Variants in ZNF124 observed in about 807,000 individuals in gnomAD.
ZNF124 encodes zinc finger protein HZF-16.
Under a neutral mutation model 26.6 loss-of-function variants are expected in ZNF124, and 25 were observed. The ratio of observed to expected loss-of-function variants is 0.94; its 90% CI spans 0.68 to 1.31. ZNF124 has a LOEUF of 1.31. ZNF124 is among the 40% of genes most tolerant of loss of function. The probability of loss-of-function intolerance (pLI) is 0.00; values close to 1 mark genes in which losing one functional copy is unlikely to be tolerated. For synonymous variants in ZNF124, 129 were observed against 133.3 expected (o/e 0.97, Z 0.22); for missense variants, 444 against 422.2 (o/e 1.05, Z -0.45).
At chr1:247,157,443 A>G in intron 3 of ZNF124, 40 bp from the exon 4 acceptor site, 2 of 1,532,092 alleles carry the variant, frequency 1.3e-6, no homozygotes, top group Non-Finnish European at 1.8e-6. Context: ...TTTTTCACAC[A>G]CAATGCATTC....
intron 1 of ZNF124, among the ~76,000 whole-genome samples, chr1:247,167,205 T>C (rs953798251): frequency 1.3e-5 from 2 of 152,148 alleles, no homozygotes; most frequent in Non-Finnish European, 2.9e-5. Context: ...AAAAACCCTT[T>C]TCTCCCAAGA....
chr1:247,167,847 C>T (rs1673869064), intron 1 of ZNF124, among the ~76,000 whole-genome samples: 2 of 151,952 alleles, frequency 1.3e-5, no homozygotes, highest in African/African-American at 4.8e-5. Flanking sequence ...CCAGAATTCA[C>T]AAAAAACTCA....
intron 3 of ZNF124, among the ~76,000 whole-genome samples, chr1:247,146,478 G>A (rs1430401365): frequency 2.0e-5 from 3 of 152,166 alleles, no homozygotes; most frequent in African/African-American, 7.2e-5. Context: ...GAGTTCTGTA[G>A]CAAGCTTATA....
At chr1:247,138,692 T>C (rs1672549822) in intron 3 of ZNF124, 1 of 398,412 alleles carries the variant, frequency 2.5e-6, no homozygotes. Flanking sequence ...GAAAGAAAGG[T>C]ACATACATAG....
intron 3 of ZNF124, among the ~76,000 whole-genome samples, chr1:247,135,669 A>G (rs1318091313): frequency 6.6e-6 from 1 of 152,178 alleles, no homozygotes; most frequent in East Asian, 1.9e-4. Context: ...CTCCTCCCTA[A>G]CTCGTTTTAT....
intron 3 of ZNF124, among the ~76,000 whole-genome samples, chr1:247,145,390 TG>T (rs1291128354): frequency 1.3e-5 from 2 of 152,118 alleles, no homozygotes; most frequent in African/African-American, 4.8e-5. Flanking sequence ...GTTTTTATGT[TG>T]ATGGTGTGAG....
At chr1:247,135,223 CAAAA>C (rs138800470) in intron 3 of ZNF124, among the ~76,000 whole-genome samples, 1 of 151,620 alleles carries the variant, frequency 6.6e-6, no homozygotes, top group Non-Finnish European at 1.5e-5. Context: ...GACAGAGACA[CAAAA>C]AACCCTCCAA....
rs1473920231 is a variant in ZNF124, at chr1:247,168,191, A to G, written c.30+3657T>C. 1.3e-5 allele frequency among the ~76,000 whole-genome samples: 2 copies of G among 152,214 alleles called. No homozygotes were observed. The highest frequency in any genetic ancestry group is 2.4e-5 in the African/African-American group (1 of 41,454). ...AGTAGAACTACCATTCAATCCAGCAATGCCACTACTGGGTATGTACCCAAA... is the reference window on the plus strand; with the variant it reads ...AGTAGAACTACCATTCAATCCAGCAGTGCCACTACTGGGTATGTACCCAAA... On this transcript the variant is annotated intron_variant, in intron 1 of 3. Transcript: ENST00000543802. This position sits in a 1 kb window ranked among gnomAD's most constrained non-coding sequence, Gnocchi z 4.0.
At chr1:247,124,719 TTGTG>T (rs769103093) in intron 3 of ZNF124, among the ~76,000 whole-genome samples, 3 of 152,158 alleles carry the variant, frequency 2.0e-5, no homozygotes, top group East Asian at 1.9e-4. Flanking sequence ...TATGTGGGGT[TTGTG>T]TGTGTGTGTA....
In ZNF124 at chr1:247,168,033, A is replaced by T. The variant is rs969243965; in HGVS notation, c.30+3815T>A. 3.3e-5 allele frequency among the ~76,000 whole-genome samples: 5 copies of T among 152,236 alleles called. No homozygotes were observed. The highest frequency in any genetic ancestry group is 1.2e-4 in the African/African-American group (5 of 41,454). ...CTCCTGTAAGAATGGCCATAATCAT[A>T]AAATAAAAAACAATAGATGCTGGGA... On this transcript the variant is annotated intron_variant, in intron 1 of 3. Coordinates refer to ENST00000543802, the MANE Select transcript of ZNF124 (RefSeq NM_001297568.2). The surrounding 1 kb of genome is among the most constrained non-coding windows in gnomAD (Gnocchi z 4.0).
chr1:247,154,177 C>T (rs1477704675), downstream of ZNF124, among the ~76,000 whole-genome samples: 3 of 152,190 alleles, frequency 2.0e-5, no homozygotes, highest in Non-Finnish European at 4.4e-5. Context: ...CTCACCTTGA[C>T]TTGTAATAAT....
intron 3 of ZNF124, among the ~76,000 whole-genome samples, chr1:247,131,233 C>T (rs1343471475): frequency 6.6e-6 from 1 of 152,204 alleles, no homozygotes; most frequent in African/African-American, 2.4e-5. Flanking sequence ...GAGCCTCCTC[C>T]TCCAGCCCAG....
chr1:247,149,009 T>G (rs1672858939), intron 3 of ZNF124, among the ~76,000 whole-genome samples: 1 of 151,986 alleles, frequency 6.6e-6, no homozygotes, highest in African/African-American at 2.4e-5. Flanking sequence ...TGCTTTAACA[T>G]GTGTTTCAAA....
At chr1:247,133,653 C>CTTTTT (rs1163588323) in intron 3 of ZNF124, among the ~76,000 whole-genome samples, 1 of 127,200 alleles carries the variant, frequency 7.9e-6, no homozygotes, top group African/African-American at 3.1e-5. Flanking sequence ...ATTCAATATT[C>CTTTTT]TTTTTTTTTT....
intron 3 of ZNF124, among the ~76,000 whole-genome samples, chr1:247,137,487 CAAAAAA>C (rs56926662): frequency 0.042 from 3,469 of 81,644 alleles, 115 homozygotes; most frequent in African/African-American, 0.14. Flanking sequence ...ACTAAAAATA[CAAAAAA>C]AAAAAAAAAA....
chr1:247,127,913 T>G (rs1264186336), intron 3 of ZNF124, among the ~76,000 whole-genome samples: 1 of 152,154 alleles, frequency 6.6e-6, no homozygotes, highest in Non-Finnish European at 1.5e-5. Context: ...TGCTACAACT[T>G]CAGTCTAATT....
intron 3 of ZNF124, among the ~76,000 whole-genome samples, chr1:247,136,477 T>G (rs148344594): frequency 6.6e-6 from 1 of 152,126 alleles, no homozygotes; most frequent in East Asian, 1.9e-4. Context: ...TACAAACCAC[T>G]GCTCAAGGAA....
intron 3 of ZNF124, among the ~76,000 whole-genome samples, chr1:247,145,633 G>A (rs1466113697): frequency 6.9e-6 from 1 of 144,450 alleles, no homozygotes. Flanking sequence ...AAAAACTTCT[G>A]TTTTTTTTTT....
rs1191448289 is a variant in ZNF124, at chr1:247,168,403, C to T, written c.30+3445G>A. Among the ~76,000 whole-genome samples, 2 of 152,162 alleles carry T rather than the reference C, an allele frequency of 1.3e-5. No homozygotes were observed. The highest frequency in any genetic ancestry group is 2.4e-5 in the African/African-American group (1 of 41,442). On this transcript the variant is annotated intron_variant, in intron 1 of 3. Coordinates refer to ENST00000543802, the MANE Select transcript of ZNF124 (RefSeq NM_001297568.2). The surrounding 1 kb of genome is among the most constrained non-coding windows in gnomAD (Gnocchi z 4.0). ...AAAAATTTAGCTGGGCGTGATGGTG[C>T]ATGCCTGTAGTCCCAGCTACTTGGG...
Sources: allele counts gnomAD v4.1 joint callset (sites outside exome capture counted in the v4.1 genomes callset), GRCh38; gene constraint gnomAD v4.1.1; non-coding constraint Gnocchi (gnomAD v3.1); transcripts MANE v1.5; gene names NCBI Gene and HGNC (gene_info 2026-07-23, HGNC 2026-07-21).